Variants in STXBP2 observed in about 807,000 individuals in gnomAD.
STXBP2 encodes syntaxin binding protein 2, also known as syntaxin-binding protein 2.
A neutral mutation model predicts 72.2 loss-of-function variants in STXBP2; 47 were observed. That is an observed-to-expected ratio of 0.65 (90% CI 0.51 to 0.83). The LOEUF (loss-of-function observed/expected upper bound fraction) is 0.83. Among genes scored for constraint, STXBP2 ranks in the 40% least tolerant of loss-of-function variants. STXBP2 has a pLI of 0.00. For missense variants in STXBP2, 702 were observed against 807.6 expected, an observed-to-expected ratio of 0.87 and a Z score of 1.58; for synonymous variants, 367 against 338.7, an observed-to-expected ratio of 1.08 and a Z score of -0.92.
chr19:7,631,401 G>GC, the STXBP2 span: 4 of 1,116,784 alleles, frequency 3.6e-6, no homozygotes, highest in African/African-American at 4.8e-5. Flanking sequence ...GAGGTGGGCG[G>GC]GGGGGGGTGG....
chr19:7,641,761 AGAG>A lies in STXBP2; in HGVS notation c.490_492del (p.Glu164del). On this transcript the variant is annotated inframe_deletion, in exon 7 of 19. Coordinates refer to ENST00000221283, the MANE Select transcript of STXBP2 (RefSeq NM_006949.4). ...ACAACCTCTACTGCCCCTTCCGGGC[AGAG>A]GAGCGCACGCGGCAGCTCGAGGTGC... is the stretch of plus-strand genomic sequence containing the variant. The A allele has an allele frequency of 6.4e-7, 1 of 1,552,690 alleles. No homozygotes were observed. Among genetic ancestry groups the A allele is most frequent in the Non-Finnish European group, 8.7e-7 (1 of 1,148,134 alleles).
chr19:7,632,404 C>A (rs369963050), upstream of STXBP2: 4 of 1,613,782 alleles, frequency 2.5e-6, no homozygotes, highest in Non-Finnish European at 3.4e-6. This position sits in a 1 kb window ranked among gnomAD's most constrained non-coding sequence, Gnocchi z 5.2. Context: ...TTGGACCCCA[C>A]GGGCTGGAAG....
Position 7,644,702 on chromosome 19 carries a change from C to T in STXBP2, c.1196C>T (p.Pro399Leu), listed in dbSNP as rs2032059063. Residue 399 changes from proline to leucine, a missense_variant, in exon 14 of 19, where the codon CCC becomes CTC. Coordinates refer to ENST00000221283, the MANE Select transcript of STXBP2 (RefSeq NM_006949.4). ...IVPVLLDAAV[P>L]AYDKIRVLLL... ...CCGGTGCTGCTGGACGCGGCGGTGC[C>T]CGCCTACGACAAGATCCGGGTCCTG... is the stretch of plus-strand genomic sequence containing the variant. 1 of 1,613,652 alleles carries T rather than the reference C, an allele frequency of 6.2e-7. No homozygotes were observed. The highest frequency in any genetic ancestry group is 1.7e-5 in the Admixed American group (1 of 59,984).
chr19:7,644,034 G>A (rs76050225), intron 13 of STXBP2, among the ~76,000 whole-genome samples: 12,243 of 87,696 alleles, frequency 0.14, 18 homozygotes, highest in East Asian at 0.28. Flanking sequence ...TGGGACCTGG[G>A]TGAGGGGTGG....
chr19:7,640,351 T>TGA, intron 4 of STXBP2: 1 of 448,694 alleles, frequency 2.2e-6, no homozygotes, highest in South Asian at 1.7e-5. Context: ...TGTATGCGTC[T>TGA]GTGCATGTGT....
At chr19:7,646,927 TGGGTACCCAAG>T (rs1240723181) in intron 16 of STXBP2, 1 of 594,142 alleles carries the variant, frequency 1.7e-6, no homozygotes, top group Non-Finnish European at 3.0e-6. Context: ...TTTAGACTTC[TGGGTACCCAAG>T]GAGTTATGGA....
chr19:7,641,906 C>T (rs953084411), intron 7 of STXBP2, 53 bp downstream of exon 7: 9 of 1,280,832 alleles, frequency 7.0e-6, no homozygotes, highest in Non-Finnish European at 9.5e-6. Context: ...TAACCGCGTG[C>T]AACACCTAAC....
At chr19:7,631,029 C>T in the STXBP2 span, 7 of 814,712 alleles carry the variant, frequency 8.6e-6, no homozygotes, top group East Asian at 5.4e-5. Context: ...GCCAACATGG[C>T]GAAACCCCAT....
At position 7,640,430 on chromosome 19, in the gene STXBP2, CTG is replaced by C. The variant is rs112075879; in HGVS notation, c.247-292_247-291del. Reference sequence around the variant, plus strand: ...TGTGTATGTATGTGTGCGCGCGCATCTGTGTGTGTGCATGTGTGTATGTATGT... The same window carrying C: ...TGTGTATGTATGTGTGCGCGCGCATCTGTGTGTGCATGTGTGTATGTATGT... On this transcript the variant is annotated intron_variant, in intron 4 of 18. Coordinates refer to ENST00000221283, the MANE Select transcript of STXBP2 (RefSeq NM_006949.4). The C allele has an allele frequency of 3.6e-3, 2,198 of 612,470 alleles. 24 individuals are homozygous for C. Among genetic ancestry groups the C allele is most frequent in the African/African-American group, 0.032 (1,599 of 49,432 alleles). The allele number at this position is 612,470 out of a possible 1,614,324, so 37.9% of individuals were successfully genotyped here.
At chr19:7,635,133 A>C (rs2031475394), upstream of STXBP2, among the ~76,000 whole-genome samples, 1 of 152,138 alleles carries the variant, frequency 6.6e-6, no homozygotes, top group Admixed American at 6.6e-5. Flanking sequence ...GGCTGGCCCT[A>C]ACAGCTCTCT....
intron 15 of STXBP2, chr19:7,645,903 C>G: frequency 2.3e-6 from 1 of 434,922 alleles, no homozygotes; most frequent in South Asian, 2.8e-5. Context: ...CTCTCCGTCC[C>G]CCTTCTGTCC....
At chr19:7,646,057 C>T (rs1402728633) in intron 15 of STXBP2, 192 bp from the exon 16 acceptor site, 4 of 603,408 alleles carry the variant, frequency 6.6e-6, no homozygotes, top group African/African-American at 1.9e-5. Context: ...TTGGCTTTCT[C>T]TCTCCGTCTC....
At chr19:7,641,683 C>T in intron 6 of STXBP2, 22 bp from the exon 7 acceptor site, 3 of 1,550,998 alleles carry the variant, frequency 1.9e-6, no homozygotes, top group South Asian at 1.2e-5. Flanking sequence ...AACCCTGGTG[C>T]TTCTGTCCCC....
upstream of STXBP2, chr19:7,637,101 C>T: frequency 1.6e-6 from 2 of 1,236,430 alleles, no homozygotes; most frequent in African/African-American, 3.1e-5. Flanking sequence ...GGGGCCACGC[C>T]CCCACCTTGG....
chr19:7,630,552 A>C, the STXBP2 span: 16 of 1,524,018 alleles, frequency 1.0e-5, no homozygotes, highest in South Asian at 1.9e-4. Flanking sequence ...AGCTCACCTC[A>C]CCCACCCTCT....
chr19:7,637,091 G>A, upstream of STXBP2: 1 of 1,234,140 alleles, frequency 8.1e-7, no homozygotes, highest in South Asian at 4.1e-5. Flanking sequence ...GGTGACGCGC[G>A]GGGCCACGCC....
chr19:7,631,974 G>A (rs1324514401), upstream of STXBP2: 4 of 668,426 alleles, frequency 6.0e-6, no homozygotes, highest in African/African-American at 1.9e-5. Flanking sequence ...ATTTGAGTGT[G>A]AGGTGGCAGG....
chr19:7,639,395 C>T (rs2031697442), intron 3 of STXBP2: 4 of 582,346 alleles, frequency 6.9e-6, no homozygotes, highest in Middle Eastern at 4.6e-4. Context: ...CCAGGGTGGA[C>T]TCTGGATGTG....
rs778481780 is a variant in STXBP2 at position 7,646,278 on chromosome 19, G to C, written c.1386G>C (p.Pro462=). The C allele has an allele frequency of 6.2e-7, 1 of 1,610,442 alleles. No homozygotes were observed. Among genetic ancestry groups the C allele is most frequent in the Admixed American group, 1.7e-5 (1 of 59,350 alleles). Residue 462 remains proline (P), a synonymous_variant, in exon 16 of 19, where the codon CCG becomes CCC. Coordinates refer to ENST00000221283, the MANE Select transcript of STXBP2 (RefSeq NM_006949.4). ...GGSGTSSRLE[P]RERMEPTYQL... ...CGGGGACCTCCAGCCGGCTGGAGCC[G>C]AGAGAACGCATGGAGCCCACCTATC... is the stretch of plus-strand genomic sequence containing the variant.
Sources: gnomAD v4.1 joint callset for allele counts (sites outside exome capture counted in the v4.1 genomes callset) on GRCh38, gnomAD v4.1.1 for gene constraint, Gnocchi (gnomAD v3.1) non-coding constraint, MANE v1.5 for transcripts, NCBI Gene and HGNC (gene_info 2026-07-23, HGNC 2026-07-21) for gene names.